FAM219B: variants seen among roughly 807,000 people sequenced by gnomAD.
FAM219B encodes the protein family with sequence similarity 219 member B, also known as protein FAM219B.
In FAM219B, 18 loss-of-function variants were observed where a neutral mutation model predicts 19.9. The observed-to-expected ratio is 0.91, with a 90% CI of 0.63 to 1.34. FAM219B has a LOEUF of 1.34. FAM219B is among the 40% of genes most tolerant of loss of function. The probability of loss-of-function intolerance (pLI) is 0.00; values close to 1 mark genes in which losing one functional copy is unlikely to be tolerated. For synonymous variants in FAM219B, 123 were observed against 117.5 expected (o/e 1.05, Z -0.30); for missense variants, 283 against 270.5 (o/e 1.05, Z -0.32).
intron 4 of FAM219B, among the ~76,000 whole-genome samples, chr15:74,903,115 T>C (rs1302013505): frequency 8.5e-5 from 13 of 152,144 alleles, no homozygotes; most frequent in Admixed American, 6.5e-5. Context: ...CCCAGACTAG[T>C]CCCTATCAAA....
At chr15:74,905,494 G>T in intron 2 of FAM219B, 1 of 356,130 alleles carries the variant, frequency 2.8e-6, no homozygotes. Flanking sequence ...CGCGATCTCG[G>T]CTCACTGCAA....
rs377053696 is a variant in FAM219B at position 74,902,717 on chromosome 15, C to G, written c.499G>C (p.Glu167Gln). Residue 167 changes from glutamate to glutamine, a missense_variant, in exon 5 of 5, where the codon GAG becomes CAG. Glu to Gln is a conservative substitution (Grantham distance 29). Coordinates refer to ENST00000357635, the MANE Select transcript of FAM219B (RefSeq NM_020447.5). ...TTAGGGGGGATGAGGTCCAAGTCCT[C>G]GTCATCTGGAATCTCATCCAGGTGA... ...GYHLDEIPDD[E>Q]DLDLIPPKPM... 2.5e-6 allele frequency: 4 copies of G among 1,612,864 alleles called. No individual in the cohort carries two copies. In the African/African-American group the frequency reaches 4.0e-5, roughly 16 times the overall value.
At chr15:74,899,959 T>A (rs1244294313), downstream of FAM219B, 1 of 152,254 alleles carries the variant, frequency 6.6e-6, no homozygotes, top group Non-Finnish European at 1.5e-5. Flanking sequence ...GCCAAGGCCT[T>A]TAAAATCCAC....
In FAM219B at chr15:74,905,217, T is replaced by C. The variant is rs761031359; in HGVS notation, c.317A>G (p.Asn106Ser). ...DSSGKRSVKF[N>S]KGYTALSQSP... ...CTGGCTAAGAGCAGTATAGCCCTTG[T>C]TAAACTTCACTGACCTGAGGGGAGA... is the stretch of plus-strand genomic sequence containing the variant. Residue 106 changes from asparagine (N) to serine (S), a missense_variant, in exon 3 of 5, where the codon AAC (asparagine) becomes AGC (serine). Coordinates refer to ENST00000357635, the MANE Select transcript of FAM219B (RefSeq NM_020447.5). 2.5e-6 allele frequency: 4 copies of C among 1,613,946 alleles called. No homozygotes were observed. Among genetic ancestry groups the C allele is most frequent in the East Asian group, 4.5e-5 (2 of 44,854 alleles).
chr15:74,906,077 C>G (rs2065175011), intron 2 of FAM219B: 1 of 598,116 alleles, frequency 1.7e-6, no homozygotes, highest in Non-Finnish European at 2.9e-6. Flanking sequence ...CTCCCTTATT[C>G]CGAAGCCCTT....
At chr15:74,902,909 C>A in intron 4 of FAM219B, 123 bp from the exon 5 acceptor site, 1 of 1,045,340 alleles carries the variant, frequency 9.6e-7, no homozygotes, top group East Asian at 2.5e-5. Context: ...AGGCCAACCC[C>A]ACACATCCCT....
rs1005671818 is a variant in FAM219B at position 74,903,531 on chromosome 15, G to T, written c.430-745C>A. Among the ~76,000 whole-genome samples, 4 of 148,958 alleles carry T rather than the reference G, an allele frequency of 2.7e-5. No homozygotes were observed. The South Asian group carries it at 8.6e-4, about 32-fold the overall frequency. ...CAGGAGAATGGCGTGAACCTGGGAGGCGGAGCTTCCAGTGAGCTGAGATCA... is the reference window on the plus strand; with the variant it reads ...CAGGAGAATGGCGTGAACCTGGGAGTCGGAGCTTCCAGTGAGCTGAGATCA... On this transcript the variant is annotated intron_variant, in intron 4 of 4. Coordinates refer to ENST00000357635, the MANE Select transcript of FAM219B (RefSeq NM_020447.5).
In FAM219B at chr15:74,902,560, G is replaced by C; in HGVS notation, c.*59C>G. On this transcript the variant is annotated 3_prime_UTR_variant, in exon 5 of 5. Transcript: ENST00000357635. Reference sequence around the variant, plus strand: ...GCTCACTGCACTGTGTGAGCTATGAGTGGCCAACAGGGCTCTGTAGGCCTC... The same window carrying C: ...GCTCACTGCACTGTGTGAGCTATGACTGGCCAACAGGGCTCTGTAGGCCTC... 1.3e-6 allele frequency: 2 copies of C among 1,511,406 alleles called. No individual in the cohort carries two copies. The highest frequency in any genetic ancestry group is 1.8e-6 in the Non-Finnish European group (2 of 1,124,610). The allele number at this position is 1,511,406 out of a possible 1,614,324, so 93.6% of individuals were successfully genotyped here.
At position 74,906,687 on chromosome 15, in the gene FAM219B, G is replaced by T; in HGVS notation, c.114C>A (p.Ile38=). The part of the protein sequence containing the change: ...PGAAGPPSGQ[I]GNRALRLGER... The stretch of plus-strand genomic sequence containing the variant: ...CCCCCAGACGGAGGGCTCTATTACC[G>T]ATCTGCCCGGAGGGTGGCCCCGCAG... The change falls in exon 1 of 5, where the codon ATC becomes ATA. Residue 38 remains isoleucine (I), a synonymous_variant. Transcript: ENST00000357635. 6.8e-7 allele frequency: 1 copy of T among 1,469,566 alleles called. No homozygotes were observed. The highest frequency in any genetic ancestry group is 9.0e-7 in the Non-Finnish European group (1 of 1,113,820). 91.0% of individuals were successfully genotyped at this position (1,469,566 alleles called of 1,614,324 possible). A position where few individuals can be genotyped will look rare whatever the true frequency, so the allele number is the denominator to read the frequency against.
chr15:74,906,789 C>G lies in FAM219B; in HGVS notation c.12G>C (p.Ala4=). ...ACCGCAACGCGCGCCCGCTGGGCTC[C>G]GCGGTCGCCATGGCCGGGCCCCGCC... MAT[A]EPSGRALRLS... The change falls in exon 1 of 5, where the codon GCG becomes GCC. Residue 4 remains alanine (A), a synonymous_variant. Transcript: ENST00000357635. 1 of 1,284,046 alleles carries G rather than the reference C, an allele frequency of 7.8e-7. No individual in the cohort carries two copies. Among genetic ancestry groups the G allele is most frequent in the Middle Eastern group, 2.9e-4 (1 of 3,438 alleles). The allele number at this position is 1,284,046 out of a possible 1,614,324, so 79.5% of individuals were successfully genotyped here. A position where few individuals can be genotyped will look rare whatever the true frequency, so the allele number is the denominator to read the frequency against.
At chr15:74,903,600 C>CAAAAAAAAAAAAA (rs60354993) in intron 4 of FAM219B, among the ~76,000 whole-genome samples, 2 of 46,138 alleles carry the variant, frequency 4.3e-5, no homozygotes, top group African/African-American at 7.6e-5. Flanking sequence ...GACTCTGTCT[C>CAAAAAAAAAAAAA]AAAAAAAAAA....
chr15:74,905,400 G>A, intron 2 of FAM219B, 169 bp from the exon 3 acceptor site: 1 of 610,648 alleles, frequency 1.6e-6, no homozygotes, highest in Non-Finnish European at 2.9e-6. Context: ...TGGCTACAGT[G>A]CCTCAGAATG....
At position 74,906,597 on chromosome 15, in the gene FAM219B, T is replaced by G. The variant is rs2065205562; in HGVS notation, c.204A>C (p.Gln68His). The G allele has an allele frequency of 6.6e-7, 1 of 1,507,718 alleles. No homozygotes were observed. The highest frequency in any genetic ancestry group is 8.8e-7 in the Non-Finnish European group (1 of 1,130,410). The allele number at this position is 1,507,718 out of a possible 1,614,324, so 93.4% of individuals were successfully genotyped here. ...TCGGGCCACACTCACGCAGCTTGGC[T>G]TGAATGGAGGGTGCGCGCGTCACCA... is the stretch of plus-strand genomic sequence containing the variant. ...PYMVTRAPSI[Q>H]AKLQKHRDLA... is the part of the protein sequence containing the mutation. Residue 68 changes from glutamine (Q) to histidine (H), a missense_variant, in exon 1 of 5, where the codon CAA becomes CAC. Transcript: ENST00000357635.
intron 3 of FAM219B, 33 bp downstream of exon 3, chr15:74,905,121 T>C: frequency 6.2e-7 from 1 of 1,613,580 alleles, no homozygotes; most frequent in Non-Finnish European, 8.5e-7. Flanking sequence ...CCAAGTTGCT[T>C]CCCAAGGGGG....
At chr15:74,905,019 A>G in intron 3 of FAM219B, 135 bp downstream of exon 3, 2 of 1,555,436 alleles carry the variant, frequency 1.3e-6, no homozygotes, top group Non-Finnish European at 1.7e-6. Context: ...GGGAAGGGAT[A>G]TTGTTCAGAA....
rs1566959158 is a variant in FAM219B at position 74,905,124 on chromosome 15, C to CAAGG, written c.380+26_380+29dup. On this transcript the variant is annotated intron_variant, in intron 3 of 4. Coordinates refer to ENST00000357635, the MANE Select transcript of FAM219B (RefSeq NM_020447.5). Reference sequence around the variant, plus strand: ...CTTCAGTCCCAGCCAAGTTGCTTCCCAAGGGGGTATTTCCAAGGGGAGCAC... The same window carrying CAAGG: ...CTTCAGTCCCAGCCAAGTTGCTTCCCAAGGAAGGGGGTATTTCCAAGGGGAGCAC... 18 of 1,613,504 alleles carry CAAGG rather than the reference C, an allele frequency of 1.1e-5. No homozygotes were observed. In the Middle Eastern group the frequency reaches 6.6e-4, roughly 59 times the overall value.
In FAM219B at chr15:74,902,746, C is replaced by A; in HGVS notation, c.470G>T (p.Gly157Val). Residue 157 changes from glycine (G) to valine (V), a missense_variant, in exon 5 of 5, where the codon GGG becomes GTG. By Grantham distance (109) the Gly-to-Val change is moderately radical. Coordinates refer to ENST00000357635, the MANE Select transcript of FAM219B (RefSeq NM_020447.5). ...ATCTGGAATCTCATCCAGGTGATAC[C>A]CATCCTGAAGCAGCTGCCGGCTCAC... The part of the protein sequence containing the change: ...QDVSRQLLQD[G>V]YHLDEIPDDE... 1.2e-6 allele frequency: 2 copies of A among 1,611,710 alleles called. No homozygotes were observed. The highest frequency in any genetic ancestry group is 4.5e-5 in the East Asian group (2 of 44,846).
chr15:74,900,855 T>A lies in FAM219B; in HGVS notation c.*1764A>T, dbSNP rs1406735310. 2 of 152,208 alleles carry A rather than the reference T, an allele frequency of 1.3e-5. No homozygotes were observed. The highest frequency in any genetic ancestry group is 1.3e-4 in the Admixed American group (2 of 15,274). The allele number at this position is 152,208 out of a possible 1,614,324, so 9.4% of individuals were successfully genotyped here. On this transcript the variant is annotated 3_prime_UTR_variant, in exon 5 of 5. Transcript: ENST00000357635. Reference sequence around the variant, plus strand: ...CTAGTAGAGTAAGTCAGCCCCCAGATACTGTATATTCCTCTCAACCTTCCA... The same window carrying A: ...CTAGTAGAGTAAGTCAGCCCCCAGAAACTGTATATTCCTCTCAACCTTCCA...
Position 74,902,871 on chromosome 15 carries a change from C to T in FAM219B, c.430-85G>A, listed in dbSNP as rs74025859. 4.2e-3 allele frequency: 6,271 copies of T among 1,478,518 alleles called. 231 individuals carry two copies. In the African/African-American group the frequency reaches 0.079, roughly 19 times the overall value. 91.6% of individuals were successfully genotyped at this position (1,478,518 alleles called of 1,614,324 possible). A position where few individuals can be genotyped will look rare whatever the true frequency, so the allele number is the denominator to read the frequency against. On this transcript the variant is annotated intron_variant, in intron 4 of 4. Transcript: ENST00000357635. ...CAAAAGACAGAACCACATTCCGTTA[C>T]CAGGGCTTCCTGTCCATGTCCCACC...
Sources: allele counts gnomAD v4.1 joint callset (sites outside exome capture counted in the v4.1 genomes callset), GRCh38; gene constraint gnomAD v4.1.1; transcripts MANE v1.5; gene names NCBI Gene and HGNC (gene_info 2026-07-23, HGNC 2026-07-21).